The following DGKB variants were observed in gnomAD, a reference collection of about 807,000 sequenced individuals.
DGKB encodes 90 kDa diacylglycerol kinase.
In DGKB, 67 loss-of-function variants were observed where a neutral mutation model predicts 114.3. The observed-to-expected ratio is 0.59, with a 90% CI of 0.48 to 0.72. The LOEUF is 0.72. Ranked by LOEUF, DGKB falls within the 30% of genes least tolerant of loss-of-function variation. The pLI, the probability that DGKB is intolerant of heterozygous loss-of-function variation, is 0.00. For missense variants in DGKB, 907 were observed against 975.2 expected (o/e 0.93, Z 0.93); for synonymous variants, 398 against 323.1 (o/e 1.23, Z -2.49).
chr7:14,816,492 G>A (rs1844175671), intron 2 of DGKB: 1 of 152,294 alleles, frequency 6.6e-6, no homozygotes, highest in African/African-American at 2.4e-5. Flanking sequence ...GTCTCTAGTT[G>A]TTGTTAGGCA....
chr7:14,417,705 T>C (rs1825923967), intron 21 of DGKB, among the ~76,000 whole-genome samples: 2 of 151,904 alleles, frequency 1.3e-5, no homozygotes, highest in Non-Finnish European at 1.5e-5. Flanking sequence ...TTTTTACTTT[T>C]TTTTTTAACT....
intron 21 of DGKB, among the ~76,000 whole-genome samples, chr7:14,404,475 C>T (rs923001413): frequency 1.3e-5 from 2 of 151,954 alleles, no homozygotes; most frequent in African/African-American, 2.4e-5. Context: ...GCACACTCAA[C>T]TGCCTACCCT....
At chr7:14,179,146 C>T (rs1425261900) in intron 23 of DGKB, among the ~76,000 whole-genome samples, 1 of 152,188 alleles carries the variant, frequency 6.6e-6, no homozygotes, top group Non-Finnish European at 1.5e-5. Context: ...GGAGGTTGGA[C>T]TGCGTGAGCT....
rs1313866310 is a variant in DGKB at position 14,435,174 on chromosome 7, T to C, written c.1835+42987A>G. Among the ~76,000 whole-genome samples the C allele has an allele frequency of 3.3e-5, 5 of 152,286 alleles. No homozygotes were observed. The East Asian group carries it at 7.7e-4, about 23-fold the overall frequency. On this transcript the variant is annotated intron_variant, in intron 21 of 25. Coordinates refer to ENST00000402815, the MANE Select transcript of DGKB (RefSeq NM_001350709.2). ...CTACCTAAATTAACTTTTTTCCTACTATTTCTCCAGAAATAAGCATTGCTC... is the reference window on the plus strand; with the variant it reads ...CTACCTAAATTAACTTTTTTCCTACCATTTCTCCAGAAATAAGCATTGCTC...
At chr7:14,764,483 C>CGG (rs1562476580) in intron 2 of DGKB, among the ~76,000 whole-genome samples, 1 of 151,704 alleles carries the variant, frequency 6.6e-6, no homozygotes, top group Non-Finnish European at 1.5e-5. Flanking sequence ...CAGGATCATC[C>CGG]GGGGATCTTT....
intron 13 of DGKB, among the ~76,000 whole-genome samples, chr7:14,639,038 C>CA (rs1811255572): frequency 6.6e-6 from 1 of 150,754 alleles, no homozygotes; most frequent in African/African-American, 2.5e-5. Context: ...AACTCCATCT[C>CA]AAAAATAAAT....
chr7:14,700,003 C>T (rs1462611617), intron 7 of DGKB, among the ~76,000 whole-genome samples: 1 of 151,368 alleles, frequency 6.6e-6, no homozygotes, highest in African/African-American at 2.4e-5. Flanking sequence ...AAAAAAGAAA[C>T]ATTAAATAAA....
At chr7:14,722,394 A>T (rs1829321970) in intron 5 of DGKB, among the ~76,000 whole-genome samples, 1 of 152,054 alleles carries the variant, frequency 6.6e-6, no homozygotes, top group African/African-American at 2.4e-5. Context: ...ATGCATTTAC[A>T]TTTCCTCCAT....
intron 23 of DGKB, among the ~76,000 whole-genome samples, chr7:14,195,947 G>C (rs961691701): frequency 6.6e-6 from 1 of 152,172 alleles, no homozygotes; most frequent in Non-Finnish European, 1.5e-5. Flanking sequence ...AAATCTTACT[G>C]TCTTGGCAGT....
At chr7:14,296,870 G>T (rs1330488991) in intron 23 of DGKB, among the ~76,000 whole-genome samples, 2 of 149,372 alleles carry the variant, frequency 1.3e-5, no homozygotes, top group African/African-American at 2.5e-5. Flanking sequence ...ATGATAAAGG[G>T]GATATCATTA....
At chr7:14,513,511 G>A (rs1434052169) in intron 20 of DGKB, among the ~76,000 whole-genome samples, 4 of 151,642 alleles carry the variant, frequency 2.6e-5, no homozygotes, top group Admixed American at 2.6e-4. Flanking sequence ...TCTCATTCTG[G>A]GAGCAATTAG....
chr7:14,755,850 T>C (rs1168158566), intron 3 of DGKB, among the ~76,000 whole-genome samples: 1 of 152,092 alleles, frequency 6.6e-6, no homozygotes, highest in Non-Finnish European at 1.5e-5. Context: ...TTGCTCTTAA[T>C]TTAGAATTGT....
At chr7:14,221,594 G>A (rs1789981700) in intron 23 of DGKB, among the ~76,000 whole-genome samples, 1 of 151,136 alleles carries the variant, frequency 6.6e-6, no homozygotes. Context: ...AAGAATTTTT[G>A]CATCTATATT....
intron 5 of DGKB, among the ~76,000 whole-genome samples, chr7:14,732,450 T>C (rs1186032320): frequency 6.6e-6 from 1 of 152,164 alleles, no homozygotes. Flanking sequence ...TGGAAAGGCA[T>C]TTCTTTTGTC....
intron 2 of DGKB, among the ~76,000 whole-genome samples, chr7:14,778,037 T>A (rs1292462314): frequency 6.6e-6 from 1 of 152,198 alleles, no homozygotes; most frequent in African/African-American, 2.4e-5. Context: ...AGATTTCATA[T>A]CACCGTGAAT....
At chr7:14,864,865 A>C (rs1417057679) in intron 1 of DGKB, among the ~76,000 whole-genome samples, 1 of 152,058 alleles carries the variant, frequency 6.6e-6, no homozygotes. Context: ...ATGGGTAACT[A>C]TTTTTAAAAT....
intron 2 of DGKB, among the ~76,000 whole-genome samples, chr7:14,766,560 T>A (rs1211193052): frequency 6.6e-6 from 1 of 151,902 alleles, no homozygotes; most frequent in African/African-American, 2.4e-5. Context: ...ATTTTATATT[T>A]CATAAATATA....
intron 21 of DGKB, among the ~76,000 whole-genome samples, chr7:14,418,367 GTGTGTATATA>G (rs66729407): frequency 0.01 from 643 of 62,270 alleles, 13 homozygotes; most frequent in South Asian, 0.022. Flanking sequence ...ATATATGTGT[GTGTGTATATA>G]TATATATATA....
At chr7:14,325,525 A>C (rs1401472233) in intron 23 of DGKB, among the ~76,000 whole-genome samples, 3 of 152,180 alleles carry the variant, frequency 2.0e-5, no homozygotes, top group Non-Finnish European at 4.4e-5. Flanking sequence ...ACTGTACTCT[A>C]GTCAACTTTC....
Sources: gnomAD v4.1 joint callset for allele counts (sites outside exome capture counted in the v4.1 genomes callset) on GRCh38, gnomAD v4.1.1 for gene constraint, MANE v1.5 for transcripts, NCBI Gene and HGNC (gene_info 2026-07-23, HGNC 2026-07-21) for gene names.